Variants in DDX24 observed in about 807,000 individuals in gnomAD.
DDX24 encodes the protein ATP-dependent RNA helicase DDX24.
A neutral mutation model predicts 68.9 loss-of-function variants in DDX24; 24 were observed. The observed-to-expected ratio is 0.35, with a 90% CI of 0.25 to 0.49. The LOEUF (loss-of-function observed/expected upper bound fraction) is 0.49. Ranked by LOEUF, DDX24 falls within the 20% of genes least tolerant of loss-of-function variation. The probability of loss-of-function intolerance (pLI) is 0.99; values close to 1 mark genes in which losing one functional copy is unlikely to be tolerated. For synonymous variants in DDX24, 395 were observed against 385.2 expected (o/e 1.03, Z -0.30); for missense variants, 989 against 1,039.0 (o/e 0.95, Z 0.66).
In DDX24 at chr14:94,058,230, T is replaced by TGGAA. The variant is rs1444883629; in HGVS notation, c.1914-334_1914-333insTTCC. Reference sequence around the variant, plus strand: ...ACTCCTCTCCTAGCACCCTCTCATTTACTTCCTCCCAGTGGCACACAGACT... The same window carrying TGGAA: ...ACTCCTCTCCTAGCACCCTCTCATTTGGAAACTTCCTCCCAGTGGCACACAGACT... On this transcript the variant is annotated intron_variant, in intron 5 of 8. Coordinates refer to ENST00000621632, the MANE Select transcript of DDX24 (RefSeq NM_020414.4). 7.3e-3 allele frequency among the ~76,000 whole-genome samples: 1,118 copies of TGGAA among 152,282 alleles called. 9 individuals carry two copies. The highest frequency in any genetic ancestry group is 0.026 in the African/African-American group (1,065 of 41,546).
In DDX24 at chr14:94,076,920, C is replaced by G. The variant is rs1174267031; in HGVS notation, c.718+2105G>C. 2.6e-5 allele frequency among the ~76,000 whole-genome samples: 4 copies of G among 152,308 alleles called. No homozygotes were observed. The East Asian group carries it at 7.7e-4, about 29-fold the overall frequency. ...CCTCAGCCACCCTGAGACAGCAAGACCAACCCCTCCTCTTTCTACTCAGCC... is the reference window on the plus strand; with the variant it reads ...CCTCAGCCACCCTGAGACAGCAAGAGCAACCCCTCCTCTTTCTACTCAGCC... On this transcript the variant is annotated intron_variant, in intron 2 of 8. Coordinates refer to ENST00000621632, the MANE Select transcript of DDX24 (RefSeq NM_020414.4).
chr14:94,055,379 G>A (rs1398694281), intron 6 of DDX24, 195 bp from the exon 7 acceptor site: 2 of 592,494 alleles, frequency 3.4e-6, no homozygotes, highest in Non-Finnish European at 5.9e-6. Flanking sequence ...CCCATTCACT[G>A]TGTAGGCTCT....
chr14:94,071,901 C>T (rs185173132), intron 2 of DDX24, among the ~76,000 whole-genome samples: 33 of 151,656 alleles, frequency 2.2e-4, no homozygotes, highest in African/African-American at 7.0e-4. Flanking sequence ...GCCGAGATTG[C>T]GCCATTGCAC....
At position 94,061,006 on chromosome 14, in the gene DDX24, T is replaced by C. The variant is rs1224630838; in HGVS notation, c.1304A>G (p.Asn435Ser). ...MSTQKQQRML[N>S]RRPEIVVATP... is the part of the protein sequence containing the mutation. ...AGCAACCACAATCTCAGGACGACGG[T>C]TCAGCATCCTCTGCTGTTTCTGCGT... The change falls in exon 4 of 9, where the codon AAC becomes AGC. Residue 435 changes from asparagine (N) to serine (S), a missense_variant. Coordinates refer to ENST00000621632, the MANE Select transcript of DDX24 (RefSeq NM_020414.4). 6.2e-7 allele frequency: 1 copy of C among 1,614,206 alleles called. No homozygotes were observed. The highest frequency in any genetic ancestry group is 2.2e-5 in the East Asian group (1 of 44,892).
At chr14:94,079,003 C>A in intron 2 of DDX24, 22 bp downstream of exon 2, 2 of 1,598,290 alleles carry the variant, frequency 1.3e-6, no homozygotes, top group South Asian at 2.2e-5. Context: ...AGCAATCCTG[C>A]TTTGGCCAGA....
At position 94,060,539 on chromosome 14, in the gene DDX24, A is replaced by T; in HGVS notation, c.1472T>A (p.Met491Lys). The change falls in exon 5 of 9, where the codon ATG (methionine) becomes AAG (lysine). Residue 491 changes from methionine to lysine, a missense_variant. Met to Lys is a moderately conservative substitution (Grantham distance 95). Coordinates refer to ENST00000621632, the MANE Select transcript of DDX24 (RefSeq NM_020414.4). ...TGGGTTGTATTGGGAGTCATTGAGC[A>T]TCTCTAGCAGCTGTGAGAGCTCAGC... ...HFAELSQLLE[M>K]LNDSQYNPKR... The T allele has an allele frequency of 6.2e-7, 1 of 1,614,188 alleles. No individual in the cohort carries two copies. Among genetic ancestry groups the T allele is most frequent in the South Asian group, 1.1e-5 (1 of 91,076 alleles).
At position 94,076,487 on chromosome 14, in the gene DDX24, C is replaced by G. The variant is rs181649248; in HGVS notation, c.718+2538G>C. ...CATGAGGGCAGGAGTTTGCGACCAG[C>G]CTGACCAACATAGTGAAACCCCGTC... On this transcript the variant is annotated intron_variant, in intron 2 of 8. Transcript: ENST00000621632. 1.1e-3 allele frequency among the ~76,000 whole-genome samples: 163 copies of G among 152,134 alleles called. 3 individuals carry two copies. In the South Asian group the frequency reaches 0.016, roughly 15 times the overall value.
intron 2 of DDX24, among the ~76,000 whole-genome samples, chr14:94,076,612 C>A (rs371546981): frequency 1.4e-5 from 2 of 144,662 alleles, no homozygotes; most frequent in Non-Finnish European, 3.0e-5. Context: ...ACCCAGGAGG[C>A]GGAGGTTGCA....
chr14:94,064,668 C>G (rs1477474910), intron 2 of DDX24, among the ~76,000 whole-genome samples: 1 of 152,216 alleles, frequency 6.6e-6, no homozygotes, highest in Non-Finnish European at 1.5e-5. Flanking sequence ...CCAACCCCGC[C>G]CCATACCTTG....
chr14:94,067,528 T>C (rs1447050318), intron 2 of DDX24, among the ~76,000 whole-genome samples: 2 of 152,178 alleles, frequency 1.3e-5, no homozygotes, highest in Non-Finnish European at 2.9e-5. Context: ...CTAGGCACAC[T>C]GTCATTAGGT....
chr14:94,081,050 A>G (rs1886079388), intron 1 of DDX24, 69 bp downstream of exon 1: 1 of 152,294 alleles, frequency 6.6e-6, no homozygotes, highest in African/African-American at 2.4e-5. Flanking sequence ...GACCCGCGAT[A>G]GGAACCCGGG....
At chr14:94,055,292 G>A (rs1885472206) in intron 6 of DDX24, 108 bp from the exon 7 acceptor site, 3 of 1,152,410 alleles carry the variant, frequency 2.6e-6, no homozygotes, top group Admixed American at 2.5e-5. Flanking sequence ...AGCCAGGCAG[G>A]TAGAAACTTC....
chr14:94,078,202 G>A (rs1465700663), intron 2 of DDX24, among the ~76,000 whole-genome samples: 1 of 152,144 alleles, frequency 6.6e-6, no homozygotes, highest in East Asian at 1.9e-4. Context: ...TTATATGTAA[G>A]CACTACACCA....
Position 94,079,376 on chromosome 14 carries a change from G to A in DDX24, c.367C>T (p.Pro123Ser), listed in dbSNP as rs1886010552. 1 of 1,613,842 alleles carries A rather than the reference G, an allele frequency of 6.2e-7. No homozygotes were observed. Among genetic ancestry groups the A allele is most frequent in the Non-Finnish European group, 8.5e-7 (1 of 1,180,014 alleles). ...TCATCTCCCTGGGCCTCCAGCTCAG[G>A]ATCTTTCACTTCAAATTCTTTCTGG... ...STQKEFEVKD[P>S]ELEAQGDDMV... is the part of the protein sequence containing the mutation. Residue 123 changes from proline to serine, a missense_variant, in exon 2 of 9, where the codon CCT becomes TCT. Physicochemically the swap from Pro to Ser is moderately conservative, Grantham distance 74. This residue lies in a region of DDX24 where 295 missense variants were observed against 263.0 expected (regional missense o/e 1.12). Coordinates refer to ENST00000621632, the MANE Select transcript of DDX24 (RefSeq NM_020414.4).
rs140843187 is a variant in DDX24 at position 94,079,224 on chromosome 14, C to A, written c.519G>T (p.Val173=). Residue 173 remains valine, a synonymous_variant, in exon 2 of 9, where the codon GTG becomes GTT. Transcript: ENST00000621632. ...GAATCCATGTCTTCGCTTTTTTGGG[C>A]ACCTTGGCAGCAGTGCTCTGAGAAG... ...LEPSQSTAAK[V]PKKAKTWIPE... 221 of 1,614,046 alleles carry A rather than the reference C, an allele frequency of 1.4e-4. No homozygotes were observed. Among genetic ancestry groups the A allele is most frequent in the Non-Finnish European group, 1.8e-4 (210 of 1,180,046 alleles).
rs749970534 is a variant in DDX24, at chr14:94,079,322, C to T, written c.421G>A (p.Glu141Lys). The change falls in exon 2 of 9, where the codon GAG becomes AAG. Residue 141 changes from glutamate to lysine, a missense_variant. This residue lies in a region of DDX24 where 295 missense variants were observed against 263.0 expected (regional missense o/e 1.12). Transcript: ENST00000621632. ...TGGACCAGGTTTTCTGATGTCATCT[C>T]CCCAGCCTCCGGATCATCACAAACC... The part of the protein sequence containing the change: ...DMVCDDPEAG[E>K]MTSENLVQTA... 34 of 1,613,976 alleles carry T rather than the reference C, an allele frequency of 2.1e-5. No homozygotes were observed. Among genetic ancestry groups the T allele is most frequent in the Non-Finnish European group, 2.9e-5 (34 of 1,180,030 alleles).
Position 94,079,215 on chromosome 14 carries a change from T to C in DDX24, c.528A>G (p.Lys176=). The stretch of plus-strand genomic sequence containing the variant: ...GAACTTCAGGAATCCATGTCTTCGC[T>C]TTTTTGGGCACCTTGGCAGCAGTGC... ...SQSTAAKVPK[K]AKTWIPEVHD... is the part of the protein sequence containing the mutation. The change falls in exon 2 of 9, where the codon AAA becomes AAG. Residue 176 remains lysine (K), a synonymous_variant. Transcript: ENST00000621632. The C allele has an allele frequency of 6.2e-7, 1 of 1,614,174 alleles. No homozygotes were observed. Among genetic ancestry groups the C allele is most frequent in the Non-Finnish European group, 8.5e-7 (1 of 1,180,042 alleles).
At position 94,060,255 on chromosome 14, in the gene DDX24, A is replaced by G; in HGVS notation, c.1756T>C (p.Tyr586His). ...GCAAACACTAAGCTGCGGCCTGGATACTGCATCAGGAAGTAGTACAAGTAG... is the reference window on the plus strand; with the variant it reads ...GCAAACACTAAGCTGCGGCCTGGATGCTGCATCAGGAAGTAGTACAAGTAG... ...DFYLYYFLMQYPGRSLVFANS... is the reference protein window; with the variant it reads ...DFYLYYFLMQHPGRSLVFANS... The change falls in exon 5 of 9, where the codon TAT (tyrosine) becomes CAT (histidine). Residue 586 changes from tyrosine to histidine, a missense_variant. Around this residue, in one of 3 missense-constraint regions of DDX24, gnomAD observed 691 missense variants for 760.0 expected, o/e 0.91. Transcript: ENST00000621632. 6.2e-7 allele frequency: 1 copy of G among 1,614,204 alleles called. No individual in the cohort carries two copies.
intron 6 of DDX24, chr14:94,057,591 A>T (rs1247235962): frequency 9.9e-6 from 5 of 502,560 alleles, no homozygotes; most frequent in Non-Finnish European, 1.4e-5. Context: ...TAACCTGACA[A>T]TATCAAGTAG....
Sources: gnomAD v4.1 joint callset for allele counts (sites outside exome capture counted in the v4.1 genomes callset) on GRCh38, gnomAD v4.1.1 for gene constraint, gnomAD v4.1.1 regional missense constraint, MANE v1.5 for transcripts, NCBI Gene and HGNC (gene_info 2026-07-23, HGNC 2026-07-21) for gene names.